The following PACRG variants were observed in gnomAD, a reference collection of about 807,000 sequenced individuals.
PACRG encodes the protein parkin coregulated gene protein.
Under a neutral mutation model 29.7 loss-of-function variants are expected in PACRG, and 29 were observed. The ratio of observed to expected loss-of-function variants is 0.98; its 90% confidence interval spans 0.73 to 1.33. The LOEUF (loss-of-function observed/expected upper bound fraction) is 1.33, where lower values mean the gene tolerates loss of function less well. Among genes scored for constraint, PACRG ranks in the 40% most tolerant of loss-of-function variants. PACRG has a pLI of 0.00. For synonymous variants in PACRG, 116 were observed against 118.7 expected (o/e 0.98, Z 0.15); for missense variants, 279 against 316.2 (o/e 0.88, Z 0.89).
intron 3 of PACRG, among the ~76,000 whole-genome samples, chr6:163,086,303 C>A (rs571721651): frequency 6.6e-6 from 1 of 152,302 alleles, no homozygotes; most frequent in African/African-American, 2.4e-5. Flanking sequence ...TGCCTTCTTC[C>A]TCCTCACCTT....
At chr6:162,937,045 C>T (rs1011798293) in intron 2 of PACRG, among the ~76,000 whole-genome samples, 1 of 151,934 alleles carries the variant, frequency 6.6e-6, no homozygotes, top group African/African-American at 2.4e-5. Flanking sequence ...TTGAAAGTGC[C>T]AGAGTAGAAA....
intron 4 of PACRG, among the ~76,000 whole-genome samples, chr6:163,110,605 C>T (rs2057503): frequency 0.024 from 3,662 of 152,288 alleles, 161 homozygotes; most frequent in African/African-American, 0.083. Flanking sequence ...ACATTGCTGT[C>T]TTCACCACAG....
chr6:163,168,881 T>C (rs188614991), intron 4 of PACRG, among the ~76,000 whole-genome samples: 213 of 152,318 alleles, frequency 1.4e-3, no homozygotes, highest in African/African-American at 4.7e-3. Context: ...ATGCAAAATA[T>C]GGATCAACTT....
At chr6:162,898,481 T>A (rs1274400911) in intron 2 of PACRG, among the ~76,000 whole-genome samples, 4 of 152,218 alleles carry the variant, frequency 2.6e-5, no homozygotes, top group Non-Finnish European at 2.9e-5. Flanking sequence ...CCTAAATACA[T>A]ATAGCCTTTC....
intron 4 of PACRG, among the ~76,000 whole-genome samples, chr6:163,271,483 A>T (rs1399824695): frequency 6.6e-6 from 1 of 152,124 alleles, no homozygotes; most frequent in East Asian, 1.9e-4. Context: ...TTATAAAGGG[A>T]CTTGCCTAGA....
chr6:162,877,061 T>C (rs1264028759), intron 2 of PACRG, among the ~76,000 whole-genome samples: 1 of 152,080 alleles, frequency 6.6e-6, no homozygotes. Context: ...AGAAATACCA[T>C]TTGACCCAGC....
chr6:162,846,794 A>G (rs1790418366), intron 2 of PACRG, among the ~76,000 whole-genome samples: 1 of 152,162 alleles, frequency 6.6e-6, no homozygotes, highest in Non-Finnish European at 1.5e-5. Flanking sequence ...TTCAGTTCAC[A>G]TTATGCTCCC....
At chr6:163,014,019 C>T (rs6924858) in intron 2 of PACRG, among the ~76,000 whole-genome samples, 27,819 of 151,910 alleles carry the variant, frequency 0.18, 3,138 homozygotes, top group African/African-American at 0.3. Flanking sequence ...TTGTAATATA[C>T]GTCACATAGG....
chr6:162,921,879 A>G (rs764371084), intron 2 of PACRG, among the ~76,000 whole-genome samples: 10 of 152,150 alleles, frequency 6.6e-5, no homozygotes, highest in Non-Finnish European at 1.3e-4. Context: ...TACACTTTGA[A>G]AGATGAGGCA....
chr6:162,779,413 A>G (rs984752388), intron 1 of PACRG, among the ~76,000 whole-genome samples: 4 of 152,226 alleles, frequency 2.6e-5, no homozygotes, highest in African/African-American at 7.2e-5. Context: ...AGAAATCCAC[A>G]GAAAACATAA....
intron 4 of PACRG, among the ~76,000 whole-genome samples, chr6:163,139,861 A>G (rs529293048): frequency 1.2e-4 from 18 of 152,334 alleles, no homozygotes; most frequent in African/African-American, 4.3e-4. Flanking sequence ...GTCTAACTAG[A>G]TGCGTTTGCT....
intron 1 of PACRG, among the ~76,000 whole-genome samples, chr6:162,804,566 G>T (rs1786158425): frequency 6.6e-6 from 1 of 152,120 alleles, no homozygotes; most frequent in Admixed American, 6.6e-5. Context: ...CAGTATGAGG[G>T]GTTTTGTTCT....
chr6:163,143,191 A>G (rs1201761023), intron 4 of PACRG, among the ~76,000 whole-genome samples: 1 of 152,222 alleles, frequency 6.6e-6, no homozygotes, highest in Admixed American at 6.5e-5. Context: ...TCTTAGTGTT[A>G]GTAAATCTAA....
intron 3 of PACRG, among the ~76,000 whole-genome samples, chr6:163,072,858 A>G (rs1212247286): frequency 6.6e-6 from 1 of 152,162 alleles, no homozygotes; most frequent in Admixed American, 6.5e-5. Flanking sequence ...CCCATTTACA[A>G]TAGCCACAGA....
At chr6:162,728,464 C>T in intron 1 of PACRG, 73 bp downstream of exon 1, 1 of 1,554,904 alleles carries the variant, frequency 6.4e-7, no homozygotes, top group Non-Finnish European at 8.7e-7. Context: ...GTTGGCCAGC[C>T]TTAGGATGGA....
chr6:163,008,939 A>C (rs895873714), intron 2 of PACRG, among the ~76,000 whole-genome samples: 1 of 152,154 alleles, frequency 6.6e-6, no homozygotes, highest in Non-Finnish European at 1.5e-5. Context: ...TGAGCTAAGC[A>C]CATTACCTGA....
intron 1 of PACRG, among the ~76,000 whole-genome samples, chr6:162,807,722 A>G (rs752269458): frequency 1.5e-4 from 23 of 152,190 alleles, no homozygotes; most frequent in Non-Finnish European, 3.1e-4. Flanking sequence ...CAGGATTACC[A>G]AAACATGATG....
intron 2 of PACRG, among the ~76,000 whole-genome samples, chr6:162,839,198 C>A (rs1036485943): frequency 9.3e-6 from 1 of 108,062 alleles, no homozygotes. Flanking sequence ...AACTAGTTTA[C>A]AATCCCACCA....
intron 1 of PACRG, among the ~76,000 whole-genome samples, chr6:162,778,173 C>A (rs1202950158): frequency 6.6e-6 from 1 of 152,092 alleles, no homozygotes; most frequent in Non-Finnish European, 1.5e-5. Flanking sequence ...GGCAGAGCAG[C>A]GCTGAGGCTA....
Sources: allele counts gnomAD v4.1 joint callset (sites outside exome capture counted in the v4.1 genomes callset), GRCh38; gene constraint gnomAD v4.1.1; transcripts MANE v1.5; gene names NCBI Gene and HGNC (gene_info 2026-07-23, HGNC 2026-07-21).